CTSF: variants seen among roughly 807,000 people sequenced by gnomAD.
The protein encoded by CTSF is cathepsin F.
CTSF carries 65 observed loss-of-function variants against 63.5 expected under a neutral mutation model. That is an observed-to-expected ratio of 1.02 (90% CI 0.84 to 1.26). The LOEUF (loss-of-function observed/expected upper bound fraction) is 1.26, where lower values mean the gene tolerates loss of function less well. CTSF is among the 50% of genes most tolerant of loss of function. The pLI is 0.00. For synonymous variants in CTSF, 256 were observed against 258.1 expected (o/e 0.99, Z 0.08); for missense variants, 641 against 631.0 (o/e 1.02, Z -0.17).
At chr11:66,567,726 C>T in intron 2 of CTSF, 64 bp from the exon 3 acceptor site, 1 of 1,558,954 alleles carries the variant, frequency 6.4e-7, no homozygotes, top group South Asian at 1.2e-5. Flanking sequence ...AAGATCTGGC[C>T]AAGATGGAGC....
intron 1 of CTSF, 26 bp from the exon 2 acceptor site, chr11:66,568,108 G>T (rs750301092): frequency 6.2e-7 from 1 of 1,600,352 alleles, no homozygotes; most frequent in Admixed American, 1.8e-5. Flanking sequence ...GGTGAGGCGG[G>T]CACAGTCGGC....
chr11:66,567,336 C>T lies in CTSF; in HGVS notation c.532-15G>A. 1 of 1,614,114 alleles carries T rather than the reference C, an allele frequency of 6.2e-7. No individual in the cohort carries two copies. The highest frequency in any genetic ancestry group is 1.7e-5 in the Admixed American group (1 of 60,014). On this transcript the variant is annotated splice_polypyrimidine_tract_variant and intron_variant, in intron 3 of 12. Transcript: ENST00000310325. ...ACAGGCAAGTCCTGGATAGGCAGAC[C>T]AGTCTTTAGGCTGACCAGAGAAACC... is the stretch of plus-strand genomic sequence containing the variant.
intron 2 of CTSF, 153 bp from the exon 3 acceptor site, chr11:66,567,815 G>A (rs1857967076): frequency 3.7e-6 from 5 of 1,361,256 alleles, no homozygotes; most frequent in Non-Finnish European, 4.9e-6. Context: ...CTGCACCGGG[G>A]CATCCTCCCC....
Position 66,564,564 on chromosome 11 carries a change from C to G in CTSF, c.1315G>C (p.Gly439Arg). The change falls in exon 11 of 13, where the codon GGC becomes CGC. Residue 439 changes from glycine to arginine, a missense_variant. Physicochemically the swap from Gly to Arg is moderately radical, Grantham distance 125. Coordinates refer to ENST00000310325, the MANE Select transcript of CTSF (RefSeq NM_003793.4). ...IDHAVLLVGY[G>R]NRSDVPFWAI... is the part of the protein sequence containing the mutation. ...GACAGGCAGCGGAACTCACGGTTGC[C>G]GTAGCCCACAAGCAACACCGCATGG... The G allele has an allele frequency of 6.4e-7, 1 of 1,559,938 alleles. No homozygotes were observed. Among genetic ancestry groups the G allele is most frequent in the Non-Finnish European group, 8.7e-7 (1 of 1,152,578 alleles).
At chr11:66,566,971 G>A (rs1194372585) in intron 4 of CTSF, among the ~76,000 whole-genome samples, 1 of 151,872 alleles carries the variant, frequency 6.6e-6, no homozygotes, top group East Asian at 1.9e-4. Context: ...CAGGTAATCT[G>A]CCCACCTCGG....
intron 11 of CTSF, 179 bp downstream of exon 11, chr11:66,564,379 A>G (rs1252667234): frequency 1.3e-6 from 1 of 770,860 alleles, no homozygotes; most frequent in African/African-American, 1.8e-5. Flanking sequence ...TTACCCTCCC[A>G]CAGCTCAGCT....
intron 2 of CTSF, 115 bp from the exon 3 acceptor site, chr11:66,567,777 C>T: frequency 6.9e-7 from 1 of 1,451,560 alleles, no homozygotes; most frequent in South Asian, 1.4e-5. Flanking sequence ...AGGCAATCAC[C>T]CCATCACAGT....
chr11:66,563,486 T>C lies in CTSF; in HGVS notation c.*447A>G, dbSNP rs140647918. The C allele has an allele frequency of 6.2e-5, 28 of 454,962 alleles. No individual in the cohort carries two copies. The highest frequency in any genetic ancestry group is 5.0e-4 in the African/African-American group (26 of 51,572). 28.2% of individuals were successfully genotyped at this position (454,962 alleles called of 1,614,324 possible). A position where few individuals can be genotyped will look rare whatever the true frequency, so the allele number is the denominator to read the frequency against. On this transcript the variant is annotated 3_prime_UTR_variant, in exon 13 of 13. Transcript: ENST00000310325. ...CACTCGGGACAAGGACACCTCTTTA[T>C]TGCTGTTAGAAAAGGGTGGTTACAA...
chr11:66,567,624 G>A lies in CTSF; in HGVS notation c.351C>T (p.His117=), dbSNP rs112809338. Residue 117 remains histidine, a synonymous_variant, in exon 3 of 13, where the codon CAC becomes CAT. Transcript: ENST00000310325. ...GGCCACAGTCCTTCCGCAGCAGCAC[G>A]TGTCTTCCGAGCTCATCCAGGACTT... is the stretch of plus-strand genomic sequence containing the variant. ...SFQVLDELGR[H]VLLRKDCGPV... 4.5e-5 allele frequency: 72 copies of A among 1,614,146 alleles called. 5 individuals carry two copies. In the African/African-American group the frequency reaches 4.5e-4, roughly 10 times the overall value.
chr11:66,568,007 G>A lies in CTSF; in HGVS notation c.289C>T (p.Leu97Phe), dbSNP rs1290957397. ...PPCNDPMVCR[L>F]PVSKKTLLCS... ...ACCAGGGTTTTCTTGGACACGGGGA[G>A]CCGGCACACCATGGGGTCGTTGCAG... is the stretch of plus-strand genomic sequence containing the variant. The change falls in exon 2 of 13, where the codon CTC becomes TTC. Residue 97 changes from leucine to phenylalanine, a missense_variant. Physicochemically the swap from Leu to Phe is conservative, Grantham distance 22. Transcript: ENST00000310325. 6.3e-7 allele frequency: 1 copy of A among 1,596,864 alleles called. No homozygotes were observed. Among genetic ancestry groups the A allele is most frequent in the Non-Finnish European group, 8.5e-7 (1 of 1,173,040 alleles).
At position 66,568,472 on chromosome 11, in the gene CTSF, C is replaced by T; in HGVS notation, c.15G>A (p.Leu5=). The change falls in exon 1 of 13, where the codon CTG becomes CTA. Residue 5 remains leucine (L), a synonymous_variant. Transcript: ENST00000310325. The part of the protein sequence containing the change: MAPW[L]QLLSLLGLLP... ...GCAGCCCCAGCAGCGACAGGAGCTG[C>T]AGCCAGGGCGCCATGGCGAGGGCGA... 6.8e-7 allele frequency: 1 copy of T among 1,472,564 alleles called. No homozygotes were observed. Among genetic ancestry groups the T allele is most frequent in the Non-Finnish European group, 8.9e-7 (1 of 1,119,754 alleles). 91.2% of individuals were successfully genotyped at this position (1,472,564 alleles called of 1,614,324 possible).
In CTSF at chr11:66,568,356, CG is replaced by C. The variant is rs1857984449; in HGVS notation, c.130del (p.Arg44AlafsTer104). 7.7e-7 allele frequency: 1 copy of C among 1,305,106 alleles called. No homozygotes were observed. Among genetic ancestry groups the C allele is most frequent in the African/African-American group, 1.5e-5 (1 of 64,596 alleles). The allele number at this position is 1,305,106 out of a possible 1,614,324, so 80.8% of individuals were successfully genotyped here. A position where few individuals can be genotyped will look rare whatever the true frequency, so the allele number is the denominator to read the frequency against. On this transcript the variant is annotated frameshift_variant, in exon 1 of 13. Coordinates refer to ENST00000310325, the MANE Select transcript of CTSF (RefSeq NM_003793.4). LOFTEE classifies it high-confidence loss of function. ...GCGGTTGAACATCTCCAGCGCGAAG[CG>C]GGTGGGCGCCAGCAGCTCCGGGGAC... Reference protein sequence around the residue: ...PPSPELLAPTRFALEMFNRGR... With the variant: ...PPSPELLAPTXFALEMFNRGR...
At position 66,564,871 on chromosome 11, in the gene CTSF, C is replaced by G; in HGVS notation, c.1165+16G>C. ...CCGGCCCCACCTGACCTCACCTCAC[C>G]CTGCCCCTCACTCACTCTGCTCGTT... On this transcript the variant is annotated intron_variant, in intron 9 of 12. Transcript: ENST00000310325. The G allele has an allele frequency of 1.2e-6, 2 of 1,613,824 alleles. No homozygotes were observed. Among genetic ancestry groups the G allele is most frequent in the Non-Finnish European group, 1.7e-6 (2 of 1,179,778 alleles).
In CTSF at chr11:66,567,598, G is replaced by A. The variant is rs769529295; in HGVS notation, c.377C>T (p.Pro126Leu). ...AGCACCTGGAACCTTGGTGTCCACTGGGCCACAGTCCTTCCGCAGCAGCAC... is the reference window on the plus strand; with the variant it reads ...AGCACCTGGAACCTTGGTGTCCACTAGGCCACAGTCCTTCCGCAGCAGCAC... ...RHVLLRKDCG[P>L]VDTKVPGAGE... The change falls in exon 3 of 13, where the codon CCA becomes CTA. Residue 126 changes from proline (P) to leucine (L), a missense_variant. Transcript: ENST00000310325. 24 of 1,614,078 alleles carry A rather than the reference G, an allele frequency of 1.5e-5. No individual in the cohort carries two copies. The highest frequency in any genetic ancestry group is 1.9e-5 in the Non-Finnish European group (23 of 1,180,038).
In CTSF at chr11:66,565,842, A is replaced by C; in HGVS notation, c.953T>G (p.Leu318Arg). 6.2e-7 allele frequency: 1 copy of C among 1,613,928 alleles called. No homozygotes were observed. The highest frequency in any genetic ancestry group is 1.3e-5 in the African/African-American group (1 of 75,040). The change falls in exon 7 of 13, where the codon CTC becomes CGC. Residue 318 changes from leucine to arginine, a missense_variant. Physicochemically the swap from Leu to Arg is moderately radical, Grantham distance 102. Transcript: ENST00000310325. Reference sequence around the variant, plus strand: ...AGCGAGATGCTCACCCTGTTCAGAGAGGGAGAGCAGGGTCCCCTGGTTGAG... The same window carrying C: ...AGCGAGATGCTCACCCTGTTCAGAGCGGGAGAGCAGGGTCCCCTGGTTGAG... ...WFLNQGTLLSLSEQELLDCDK... is the reference protein window; with the variant it reads ...WFLNQGTLLSRSEQELLDCDK...
chr11:66,567,175 C>G, intron 4 of CTSF, 71 bp downstream of exon 4: 3 of 1,498,408 alleles, frequency 2.0e-6, no homozygotes, highest in Non-Finnish European at 2.8e-6. Flanking sequence ...TCCTCCCACA[C>G]ACCAAGGTGC....
At chr11:66,567,413 C>G in intron 3 of CTSF, 31 bp downstream of exon 3, 5 of 1,602,058 alleles carry the variant, frequency 3.1e-6, no homozygotes, top group Non-Finnish European at 4.2e-6. Context: ...GCTCCTCAAG[C>G]TGAGGGCTCC....
chr11:66,564,211 T>G (rs2134949255), intron 11 of CTSF, 65 bp from the exon 12 acceptor site: 1 of 1,548,908 alleles, frequency 6.5e-7, no homozygotes, highest in South Asian at 1.2e-5. Context: ...CTTAATCACT[T>G]TGCACCCTTC....
rs1001199791 is a variant in CTSF, at chr11:66,564,511, C to T, written c.1321+47G>A. 5 of 1,469,594 alleles carry T rather than the reference C, an allele frequency of 3.4e-6. No individual in the cohort carries two copies. In the African/African-American group the frequency reaches 5.6e-5, roughly 16 times the overall value. The allele number at this position is 1,469,594 out of a possible 1,614,324, so 91.0% of individuals were successfully genotyped here. A position where few individuals can be genotyped will look rare whatever the true frequency, so the allele number is the denominator to read the frequency against. On this transcript the variant is annotated intron_variant, in intron 11 of 12. Coordinates refer to ENST00000310325, the MANE Select transcript of CTSF (RefSeq NM_003793.4). Reference sequence around the variant, plus strand: ...GAGGACCTGAGATGCTGTGATCCCACCCCTGCCTGTGGCCTGGCTGGATGC... The same window carrying T: ...GAGGACCTGAGATGCTGTGATCCCATCCCTGCCTGTGGCCTGGCTGGATGC...
Sources: allele counts gnomAD v4.1 joint callset (sites outside exome capture counted in the v4.1 genomes callset), GRCh38; gene constraint gnomAD v4.1.1; transcripts MANE v1.5; gene names NCBI Gene and HGNC (gene_info 2026-07-23, HGNC 2026-07-21).